The following MMP20 variants were observed in gnomAD, a reference collection of about 807,000 sequenced individuals.
MMP20 encodes the protein matrix metalloproteinase-20.
MMP20 carries 50 observed loss-of-function variants against 51.8 expected under a neutral mutation model. The ratio of observed to expected loss-of-function variants is 0.97; its 90% CI spans 0.77 to 1.22. The LOEUF is 1.22. Ranked by LOEUF, MMP20 falls within the 50% of genes most tolerant of loss-of-function variation. MMP20 has a pLI of 0.00. For synonymous variants in MMP20, 244 were observed against 216.2 expected, an observed-to-expected ratio of 1.13 and a Z score of -1.13; for missense variants, 663 against 601.4, an observed-to-expected ratio of 1.10 and a Z score of -1.07.
chr11:102,613,481 C>T (rs752267183), intron 2 of MMP20, among the ~76,000 whole-genome samples: 1 of 152,132 alleles, frequency 6.6e-6, no homozygotes, highest in African/African-American at 2.4e-5. Flanking sequence ...TGTTTTAGGG[C>T]CCACTCAGTG....
chr11:102,579,234 C>G, intron 8 of MMP20, 92 bp from the exon 9 acceptor site: 2 of 766,906 alleles, frequency 2.6e-6, no homozygotes, highest in South Asian at 3.0e-5. Flanking sequence ...GGACACATAA[C>G]TTATTTAGGT....
At chr11:102,604,080 G>A (rs1408313660) in intron 6 of MMP20, among the ~76,000 whole-genome samples, 1 of 149,992 alleles carries the variant, frequency 6.7e-6, no homozygotes, top group East Asian at 2.0e-4. Context: ...GGTATCATAT[G>A]TCTGACTTCA....
chr11:102,598,847 C>A (rs1172348156), intron 6 of MMP20, among the ~76,000 whole-genome samples: 1 of 152,158 alleles, frequency 6.6e-6, no homozygotes, highest in African/African-American at 2.4e-5. Flanking sequence ...ATCAGACTTT[C>A]ATTTTCAGGA....
intron 8 of MMP20, among the ~76,000 whole-genome samples, chr11:102,591,376 T>C (rs1859314710): frequency 6.6e-6 from 1 of 152,234 alleles, no homozygotes; most frequent in South Asian, 2.1e-4. Flanking sequence ...TGACCAGATT[T>C]TTGACTGAAT....
In MMP20 at chr11:102,594,698, C is replaced by A; in HGVS notation, c.1013G>T (p.Ser338Ile). 2 of 1,609,560 alleles carry A rather than the reference C, an allele frequency of 1.2e-6. No individual in the cohort carries two copies. Among genetic ancestry groups the A allele is most frequent in the Non-Finnish European group, 1.7e-6 (2 of 1,179,470 alleles). ...RTGIRPSTITSSFPQLMSNVD... is the reference protein window; with the variant it reads ...RTGIRPSTITISFPQLMSNVD... The stretch of plus-strand genomic sequence containing the variant: ...ATTGGACATGAGCTGGGGGAAGGAG[C>A]TGGTAATAGTGCTGGGCCGAATTCC... The change falls in exon 7 of 10, where the codon AGC becomes ATC. Residue 338 changes from serine (S) to isoleucine (I), a missense_variant. Ser to Ile is a moderately radical substitution (Grantham distance 142, BLOSUM62 -2). Transcript: ENST00000260228.
intron 6 of MMP20, among the ~76,000 whole-genome samples, chr11:102,604,104 C>A (rs879687921): frequency 6.6e-6 from 1 of 151,860 alleles, no homozygotes; most frequent in Non-Finnish European, 1.5e-5. Context: ...CCTCCTTTAC[C>A]CCCACTGCAA....
intron 3 of MMP20, among the ~76,000 whole-genome samples, chr11:102,610,890 G>T (rs543106085): frequency 2.0e-5 from 3 of 152,072 alleles, no homozygotes; most frequent in Admixed American, 2.0e-4. Context: ...TGGTTGGCTT[G>T]TGTATTAGGG....
intron 5 of MMP20, 120 bp downstream of exon 5, chr11:102,608,817 G>T (rs2135941593): frequency 1.9e-6 from 2 of 1,071,116 alleles, no homozygotes; most frequent in Non-Finnish European, 2.9e-6. Context: ...AGAAGGCATA[G>T]TTGGGGTTAT....
At chr11:102,589,547 T>C (rs1253844154) in intron 8 of MMP20, among the ~76,000 whole-genome samples, 1 of 152,208 alleles carries the variant, frequency 6.6e-6, no homozygotes, top group African/African-American at 2.4e-5. Flanking sequence ...TCCCTTTCAA[T>C]GCCATAATTC....
intron 2 of MMP20, among the ~76,000 whole-genome samples, chr11:102,614,428 A>T (rs1467609952): frequency 6.6e-6 from 1 of 152,160 alleles, no homozygotes; most frequent in Non-Finnish European, 1.5e-5. Flanking sequence ...AGCTTATCAC[A>T]AGAATATTAT....
chr11:102,617,371 A>G (rs1013606402), intron 1 of MMP20, among the ~76,000 whole-genome samples: 2 of 152,234 alleles, frequency 1.3e-5, no homozygotes, highest in African/African-American at 4.8e-5. Context: ...TTTTAAAAGA[A>G]AAAAATTCAG....
intron 2 of MMP20, among the ~76,000 whole-genome samples, chr11:102,614,957 A>G (rs1231340854): frequency 6.6e-6 from 1 of 152,004 alleles, no homozygotes; most frequent in East Asian, 1.9e-4. Flanking sequence ...ACAGATGTAC[A>G]TAGCCTCATG....
chr11:102,587,152 A>G (rs1239975680), intron 8 of MMP20, among the ~76,000 whole-genome samples: 1 of 151,962 alleles, frequency 6.6e-6, no homozygotes, highest in Non-Finnish European at 1.5e-5. Context: ...GTTGTATTTT[A>G]ATTTTCATTT....
At chr11:102,619,379 C>CCCTTAAT (rs2135948204) in intron 1 of MMP20, among the ~76,000 whole-genome samples, 1 of 152,198 alleles carries the variant, frequency 6.6e-6, no homozygotes, top group South Asian at 2.1e-4. Flanking sequence ...AGGGAAGATG[C>CCCTTAAT]TCATGATAAA....
At chr11:102,581,033 G>C (rs1325364631) in intron 8 of MMP20, among the ~76,000 whole-genome samples, 1 of 152,166 alleles carries the variant, frequency 6.6e-6, no homozygotes, top group African/African-American at 2.4e-5. Context: ...ATGGTACTGG[G>C]TTTGAATTTC....
At chr11:102,594,526 A>C in intron 7 of MMP20, 95 bp downstream of exon 7, 1 of 1,520,886 alleles carries the variant, frequency 6.6e-7, no homozygotes, top group Non-Finnish European at 9.0e-7. Context: ...AATGTGCTCC[A>C]TGATGACTGG....
intron 6 of MMP20, among the ~76,000 whole-genome samples, chr11:102,596,312 T>C (rs1303543267): frequency 6.6e-6 from 1 of 152,194 alleles, no homozygotes; most frequent in Non-Finnish European, 1.5e-5. Flanking sequence ...AGAGGCATCA[T>C]GGTGCAGAAG....
intron 8 of MMP20, among the ~76,000 whole-genome samples, chr11:102,589,783 A>G (rs1565390798): frequency 6.6e-6 from 1 of 152,224 alleles, no homozygotes; most frequent in African/African-American, 2.4e-5. Flanking sequence ...TAGTTTAGTC[A>G]TAAGTTTTTT....
At position 102,594,744 on chromosome 11, in the gene MMP20, G is replaced by A. The variant is rs200265019; in HGVS notation, c.967C>T (p.Arg323Trp). The A allele has an allele frequency of 8.9e-5, 141 of 1,590,716 alleles. 1 individual carries two copies. The highest frequency in any genetic ancestry group is 1.9e-4 in the South Asian group (17 of 90,342). The change falls in exon 7 of 10, where the codon CGG becomes TGG. Residue 323 changes from arginine (R) to tryptophan (W), a missense_variant. Arg to Trp is a moderately radical substitution (Grantham distance 101). Coordinates refer to ENST00000260228, the MANE Select transcript of MMP20 (RefSeq NM_004771.4). Reference sequence around the variant, plus strand: ...ATTCCTGTCCGCAAGTGAACCTGCCGTCTCCAGAAAATCCTATGGGACATT... The same window carrying A: ...ATTCCTGTCCGCAAGTGAACCTGCCATCTCCAGAAAATCCTATGGGACATT... The part of the protein sequence containing the change: ...LLFKDRIFWR[R>W]QVHLRTGIRP...
Sources: allele counts gnomAD v4.1 joint callset (sites outside exome capture counted in the v4.1 genomes callset), GRCh38; gene constraint gnomAD v4.1.1; transcripts MANE v1.5; gene names NCBI Gene and HGNC (gene_info 2026-07-23, HGNC 2026-07-21).